Variants in EP300 observed in about 807,000 individuals in gnomAD.
EP300 encodes EP300 lysine acetyltransferase.
A neutral mutation model predicts 264.0 loss-of-function variants in EP300; 31 were observed. The ratio of observed to expected loss-of-function variants is 0.12; its 90% CI spans 0.09 to 0.16. The LOEUF is 0.16. EP300 is among the 10% of genes least tolerant of loss of function. EP300 has a pLI of 1.00. For missense variants in EP300, 2,766 were observed against 3,052.9 expected, an observed-to-expected ratio of 0.91 and a Z score of 2.21; for synonymous variants, 1,340 against 1,045.4, an observed-to-expected ratio of 1.28 and a Z score of -5.44.
Position 41,105,198 on chromosome 22 carries a change from GA to G in EP300, c.95-11966del, listed in dbSNP as rs764225630. On this transcript the variant is annotated intron_variant, in intron 1 of 30. Coordinates refer to ENST00000263253, the MANE Select transcript of EP300 (RefSeq NM_001429.4). ...GGTGACAGAGCGAGACTCCATCTCA[GA>G]AAAAAAAAAAAAAAAAAAAAAAGCC... Among the ~76,000 whole-genome samples the G allele has an allele frequency of 3.9e-3, 236 of 60,914 alleles. 3 individuals carry two copies. The highest frequency in any genetic ancestry group is 0.011 in the African/African-American group (138 of 12,782). The allele number at this position is 60,914 out of a possible 152,430, so 40.0% of individuals were successfully genotyped here.
chr22:41,167,616 A>G lies in EP300; in HGVS notation c.3875-833A>G, dbSNP rs1405365031. Among the ~76,000 whole-genome samples the G allele has an allele frequency of 2.2e-3, 108 of 48,382 alleles. 6 individuals carry two copies. Among genetic ancestry groups the G allele is most frequent in the Admixed American group, 4.8e-3 (23 of 4,764 alleles). The allele number at this position is 48,382 out of a possible 152,430, so 31.7% of individuals were successfully genotyped here. ...TATATATATATATATATATATATAT[A>G]TATATATATATATATATATAATGTT... On this transcript the variant is annotated intron_variant, in intron 23 of 30. Transcript: ENST00000263253.
rs768432479 is a variant in EP300, at chr22:41,178,093, C to G, written c.6382C>G (p.Pro2128Ala). The G allele has an allele frequency of 2.9e-5, 47 of 1,614,020 alleles. No homozygotes were observed. Among genetic ancestry groups the G allele is most frequent in the Non-Finnish European group, 3.8e-5 (45 of 1,180,008 alleles). ...AGGTCAGCAGGGGGTCCACTCCAAT[C>G]CAGCCATGCAGAACATGAATCCAAT... ...MPGQQGVHSN[P>A]AMQNMNPMQA... The change falls in exon 31 of 31, where the codon CCA becomes GCA. Residue 2128 changes from proline (P) to alanine (A), a missense_variant. Coordinates refer to ENST00000263253, the MANE Select transcript of EP300 (RefSeq NM_001429.4).
intron 5 of EP300, 52 bp from the exon 6 acceptor site, chr22:41,131,336 T>C: frequency 6.3e-7 from 1 of 1,598,426 alleles, no homozygotes; most frequent in Non-Finnish European, 8.6e-7. Context: ...ATGTTAGTCT[T>C]TTTTTTCTCA....
rs2058880564 is a variant in EP300, at chr22:41,126,044, A to G, written c.906+4A>G. On this transcript the variant is annotated splice_donor_region_variant and intron_variant, in intron 3 of 30. Coordinates refer to ENST00000263253, the MANE Select transcript of EP300 (RefSeq NM_001429.4). ...TGGTGGAGGAATGCCCAACATGGTG[A>G]GTACTAATCCATTACAGACTTGTTT... The G allele has an allele frequency of 1.9e-6, 3 of 1,613,944 alleles. No individual in the cohort carries two copies. The highest frequency in any genetic ancestry group is 4.5e-5 in the East Asian group (2 of 44,878).
At chr22:41,143,421 A>C (rs1000249771) in intron 10 of EP300, among the ~76,000 whole-genome samples, 7 of 152,150 alleles carry the variant, frequency 4.6e-5, no homozygotes, top group African/African-American at 1.7e-4. Context: ...CACTGCACTT[A>C]AGCCTGGACA....
rs9607779 is a variant in EP300, at chr22:41,170,819, A to G, written c.4452+248A>G. Among the ~76,000 whole-genome samples the G allele has an allele frequency of 0.6, 90,367 of 151,132 alleles. 27,795 individuals are homozygous for G. The highest frequency in any genetic ancestry group is 0.82 in the East Asian group (4,220 of 5,160). On this transcript the variant is annotated intron_variant, in intron 27 of 30. Transcript: ENST00000263253. ...TGGGACTACAGGCTCCTGCCATCAC[A>G]CCCGGCTAAATTTTTTTGTATTTTT...
rs753733347 is a variant in EP300, at chr22:41,164,047, T to C, written c.3729-6T>C. 3.7e-6 allele frequency: 6 copies of C among 1,614,120 alleles called. No homozygotes were observed. The East Asian group carries it at 8.9e-5, about 24-fold the overall frequency. The stretch of plus-strand genomic sequence containing the variant: ...GTTAATTTTGGAATTGGCTCTGCTC[T>C]TCCAGGTTTGTTGAATGTACAGAGT... On this transcript the variant is annotated splice_polypyrimidine_tract_variant and splice_region_variant and intron_variant, in intron 21 of 30. Transcript: ENST00000263253.
At chr22:41,103,064 G>A (rs1427042237) in intron 1 of EP300, among the ~76,000 whole-genome samples, 2 of 152,138 alleles carry the variant, frequency 1.3e-5, no homozygotes, top group East Asian at 3.9e-4. Flanking sequence ...TGATCAGGCT[G>A]GTCTCGAACT....
intron 7 of EP300, among the ~76,000 whole-genome samples, chr22:41,137,315 C>T (rs758518304): frequency 6.9e-6 from 1 of 144,722 alleles, no homozygotes; most frequent in Non-Finnish European, 1.5e-5. Context: ...TGGGATTGCA[C>T]CACTACAGTC....
chr22:41,155,722 A>C (rs746494281), intron 17 of EP300, among the ~76,000 whole-genome samples: 1 of 152,206 alleles, frequency 6.6e-6, no homozygotes. Flanking sequence ...ATTGGAACAT[A>C]CAGTATGTGA....
At chr22:41,099,866 A>G (rs1198166217) in intron 1 of EP300, among the ~76,000 whole-genome samples, 1 of 152,222 alleles carries the variant, frequency 6.6e-6, no homozygotes, top group Non-Finnish European at 1.5e-5. Context: ...TGAATACATT[A>G]GACGGAGGGG....
intron 1 of EP300, among the ~76,000 whole-genome samples, chr22:41,102,552 A>G (rs1159628662): frequency 1.3e-5 from 2 of 152,144 alleles, no homozygotes; most frequent in Non-Finnish European, 2.9e-5. Flanking sequence ...ATAATACAGG[A>G]ATTTAGACTT....
Position 41,179,767 on chromosome 22 carries a change from A to G in EP300, c.*811A>G, listed in dbSNP as rs2059230158. 4.3e-6 allele frequency: 1 copy of G among 231,004 alleles called. No homozygotes were observed. The highest frequency in any genetic ancestry group is 5.7e-5 in the Admixed American group (1 of 17,634). 14.3% of individuals were successfully genotyped at this position (231,004 alleles called of 1,614,324 possible). On this transcript the variant is annotated 3_prime_UTR_variant, in exon 31 of 31. Coordinates refer to ENST00000263253, the MANE Select transcript of EP300 (RefSeq NM_001429.4). ...TCGTTATTTTTACATCTAACAAAGTAAAAAAATTAAAAAGAGGGTAAGAAA... is the reference window on the plus strand; with the variant it reads ...TCGTTATTTTTACATCTAACAAAGTGAAAAAATTAAAAAGAGGGTAAGAAA...
intron 27 of EP300, among the ~76,000 whole-genome samples, chr22:41,172,185 C>T (rs752460343): frequency 6.6e-6 from 1 of 152,084 alleles, no homozygotes; most frequent in Non-Finnish European, 1.5e-5. Flanking sequence ...TGGTAGGGGC[C>T]ATGGCATGCA....
intron 1 of EP300, among the ~76,000 whole-genome samples, chr22:41,106,859 C>T (rs1334692636): frequency 6.6e-6 from 1 of 152,148 alleles, no homozygotes; most frequent in Admixed American, 6.6e-5. Context: ...TCCCAAAGTG[C>T]CATGATTACA....
At chr22:41,115,272 T>TG (rs2058814635) in intron 1 of EP300, among the ~76,000 whole-genome samples, 1 of 152,226 alleles carries the variant, frequency 6.6e-6, no homozygotes, top group Non-Finnish European at 1.5e-5. Flanking sequence ...AATTGGGATA[T>TG]GGGTGCTACT....
At chr22:41,137,894 T>G in intron 8 of EP300, 104 bp downstream of exon 8, 1 of 1,506,824 alleles carries the variant, frequency 6.6e-7, no homozygotes, top group East Asian at 2.3e-5. Context: ...GCAATTTTTC[T>G]GTAGCATGGA....
intron 2 of EP300, among the ~76,000 whole-genome samples, chr22:41,119,179 T>TATTA (rs373043233): frequency 0.06 from 7,838 of 131,310 alleles, 659 homozygotes; most frequent in East Asian, 0.22. Context: ...ATTATTATTT[T>TATTA]TTTTTTTTTT....
intron 2 of EP300, among the ~76,000 whole-genome samples, chr22:41,121,527 C>T (rs1237208175): frequency 4.6e-5 from 7 of 151,946 alleles, no homozygotes; most frequent in Non-Finnish European, 8.8e-5. Context: ...TCACAGTGAC[C>T]AAAAGTGTCA....
Sources: allele counts gnomAD v4.1 joint callset (sites outside exome capture counted in the v4.1 genomes callset), GRCh38; gene constraint gnomAD v4.1.1; transcripts MANE v1.5; gene names NCBI Gene and HGNC (gene_info 2026-07-23, HGNC 2026-07-21).